The following MAP3K3 variants were observed in gnomAD, a reference collection of about 807,000 sequenced individuals.
MAP3K3 encodes the protein mitogen-activated protein kinase kinase kinase 3, also known as MAP/ERK kinase kinase 3.
MAP3K3 carries 12 observed loss-of-function variants against 80.9 expected under a neutral mutation model. The observed-to-expected ratio is 0.15, with a 90% CI of 0.10 to 0.24. The LOEUF (loss-of-function observed/expected upper bound fraction) is 0.24. MAP3K3 is among the 10% of genes least tolerant of loss of function. The pLI, the probability that MAP3K3 is intolerant of heterozygous loss-of-function variation, is 1.00. For missense variants in MAP3K3, 596 were observed against 834.7 expected (o/e 0.71, Z 3.52); for synonymous variants, 272 against 307.1 (o/e 0.89, Z 1.19).
At chr17:63,634,711 A>G (rs932073136) in intron 2 of MAP3K3, 5 of 1,612,092 alleles carry the variant, frequency 3.1e-6, no homozygotes, top group Non-Finnish European at 4.2e-6. Context: ...TTTTAAAGAA[A>G]AAACACAACA....
intron 5 of MAP3K3, among the ~76,000 whole-genome samples, chr17:63,665,610 T>C (rs1381484693): frequency 2.0e-5 from 3 of 152,196 alleles, no homozygotes; most frequent in Non-Finnish European, 2.9e-5. Flanking sequence ...CACCTCCTCT[T>C]TGTGAGTGCA....
intron 6 of MAP3K3, among the ~76,000 whole-genome samples, chr17:63,680,051 A>G (rs2035299072): frequency 6.6e-6 from 1 of 152,166 alleles, no homozygotes; most frequent in East Asian, 1.9e-4. Flanking sequence ...ACAGAATAGA[A>G]TGAGTCAGGT....
intron 4 of MAP3K3, among the ~76,000 whole-genome samples, chr17:63,654,597 G>C (rs911145068): frequency 2.6e-5 from 4 of 152,024 alleles, no homozygotes; most frequent in Non-Finnish European, 5.9e-5. Flanking sequence ...GGAATTGCTG[G>C]GTCATAAGAT....
rs1419227165 is a variant in MAP3K3 at position 63,632,784 on chromosome 17, A to G, written c.108A>G (p.Thr36=). ...ATGAGACCATGAAGAACAAAGACACAGGTCACTCAAATAGGCAGGTGTGTG... is the reference window on the plus strand; with the variant it reads ...ATGAGACCATGAAGAACAAAGACACGGGTCACTCAAATAGGCAGGTGTGTG... ...PGYETMKNKD[T]GHSNRQSDVR... Residue 36 remains threonine, a synonymous_variant, in exon 2 of 16, where the codon ACA becomes ACG. Coordinates refer to ENST00000361733, the MANE Select transcript of MAP3K3 (RefSeq NM_002401.5). The G allele has an allele frequency of 6.2e-7, 1 of 1,613,968 alleles. No homozygotes were observed. Among genetic ancestry groups the G allele is most frequent in the African/African-American group, 1.3e-5 (1 of 74,926 alleles).
chr17:63,665,665 A>G (rs1328621560), intron 5 of MAP3K3, among the ~76,000 whole-genome samples: 1 of 152,128 alleles, frequency 6.6e-6, no homozygotes, highest in Admixed American at 6.6e-5. Context: ...CCTCCCCAGT[A>G]TGTGGCTTTG....
intron 6 of MAP3K3, among the ~76,000 whole-genome samples, chr17:63,670,251 CTG>C (rs1019837480): frequency 1.7e-4 from 26 of 151,958 alleles, no homozygotes; most frequent in African/African-American, 6.0e-4. Context: ...TAATTACAAA[CTG>C]TGACTGAAAG....
intron 11 of MAP3K3, 158 bp from the exon 12 acceptor site, chr17:63,690,106 C>CACTG: frequency 1.3e-6 from 1 of 792,898 alleles, no homozygotes; most frequent in Non-Finnish European, 2.0e-6. Flanking sequence ...GTGACTAGGG[C>CACTG]ACTGGGCTTG....
At chr17:63,638,579 C>G (rs2034378964) in intron 2 of MAP3K3, among the ~76,000 whole-genome samples, 1 of 152,346 alleles carries the variant, frequency 6.6e-6, no homozygotes, top group East Asian at 1.9e-4. Context: ...ACAGCCCGCA[C>G]TGTCTCTCTC....
Position 63,660,753 on chromosome 17 carries a change from C to T in MAP3K3, c.381+2846C>T, listed in dbSNP as rs1195785516. ...GGTTACAGGCATGCACCACCACAAC[C>T]GCCTAATTTTGTATTTTTTTTTAGT... is the stretch of plus-strand genomic sequence containing the variant. On this transcript the variant is annotated intron_variant, in intron 5 of 15. Transcript: ENST00000361733. Among the ~76,000 whole-genome samples, 4 of 151,902 alleles carry T rather than the reference C, an allele frequency of 2.6e-5. No homozygotes were observed. The East Asian group carries it at 5.8e-4, about 22-fold the overall frequency.
rs2034342164 is a variant in MAP3K3 at position 63,637,063 on chromosome 17, G to A, written c.126+4261G>A. 4 of 506,214 alleles carry A rather than the reference G, an allele frequency of 7.9e-6. No individual in the cohort carries two copies. The South Asian group carries it at 8.5e-5, about 11-fold the overall frequency. 31.4% of individuals were successfully genotyped at this position (506,214 alleles called of 1,614,324 possible). Reference sequence around the variant, plus strand: ...ACTTTCTGGAAGAGGAGATTACCAAGTTTGAGAGCGTGTGTAGAGTGTCGA... The same window carrying A: ...ACTTTCTGGAAGAGGAGATTACCAAATTTGAGAGCGTGTGTAGAGTGTCGA... On this transcript the variant is annotated intron_variant, in intron 2 of 15. Transcript: ENST00000361733.
intron 2 of MAP3K3, 101 bp from the exon 3 acceptor site, chr17:63,645,933 A>G: frequency 6.0e-6 from 5 of 826,688 alleles, no homozygotes; most frequent in South Asian, 4.2e-5. Context: ...TCAGGGATGT[A>G]TGCCTAATGT....
chr17:63,637,165 C>T (rs965513896), intron 2 of MAP3K3: 3 of 274,670 alleles, frequency 1.1e-5, no homozygotes, highest in Admixed American at 8.8e-5. Flanking sequence ...GTGTGAGGCC[C>T]TGCCACTATT....
At chr17:63,622,796 C>T (rs1327957866) in intron 1 of MAP3K3, 33 bp downstream of exon 1, 1 of 481,502 alleles carries the variant, frequency 2.1e-6, no homozygotes, top group Non-Finnish European at 4.0e-6. Context: ...CCTGTGCCCG[C>T]GCTGCTTCGC....
intron 6 of MAP3K3, among the ~76,000 whole-genome samples, chr17:63,680,843 TCTC>T (rs987349927): frequency 5.3e-5 from 8 of 151,350 alleles, no homozygotes; most frequent in Non-Finnish European, 1.0e-4. Context: ...TGAGTCTCCG[TCTC>T]CTCCTCTGTT....
chr17:63,686,570 G>A (rs1394477751), intron 8 of MAP3K3, among the ~76,000 whole-genome samples: 1 of 152,186 alleles, frequency 6.6e-6, no homozygotes, highest in East Asian at 1.9e-4. Context: ...GGAGAGAAGA[G>A]GACTACAGAA....
At position 63,634,769 on chromosome 17, in the gene MAP3K3, T is replaced by C. The variant is rs767116028; in HGVS notation, c.126+1967T>C. On this transcript the variant is annotated intron_variant, in intron 2 of 15. Transcript: ENST00000361733. ...CAGCCCCACAGTAACAACAAGCTCA[T>C]GTGCAGGGGCCAGTGAGAAAAAGAA... 14 of 1,613,950 alleles carry C rather than the reference T, an allele frequency of 8.7e-6. No homozygotes were observed. Among genetic ancestry groups the C allele is most frequent in the Admixed American group, 1.7e-5 (1 of 59,940 alleles).
chr17:63,628,133 T>C (rs1384219688), intron 1 of MAP3K3, among the ~76,000 whole-genome samples: 1 of 151,638 alleles, frequency 6.6e-6, no homozygotes, highest in African/African-American at 2.4e-5. Context: ...CTTGAACTCC[T>C]GACCTCAGGT....
chr17:63,668,815 A>G (rs1253074880), intron 6 of MAP3K3, among the ~76,000 whole-genome samples: 1 of 152,216 alleles, frequency 6.6e-6, no homozygotes, highest in East Asian at 1.9e-4. Flanking sequence ...GGCTTCCTTC[A>G]TTCAGCAAAG....
At chr17:63,655,249 C>T (rs369418988) in intron 4 of MAP3K3, among the ~76,000 whole-genome samples, 33 of 152,142 alleles carry the variant, frequency 2.2e-4, no homozygotes, top group African/African-American at 8.0e-4. Context: ...TGAGAACTCA[C>T]TCACTATCAG....
Sources: gnomAD v4.1 joint callset for allele counts (sites outside exome capture counted in the v4.1 genomes callset) on GRCh38, gnomAD v4.1.1 for gene constraint, MANE v1.5 for transcripts, NCBI Gene and HGNC (gene_info 2026-07-23, HGNC 2026-07-21) for gene names.